The following UST variants were observed in gnomAD, a reference collection of about 807,000 sequenced individuals.
The protein encoded by UST is uronyl 2-sulfotransferase, also known as chondroitin sulfate 2-O-sulfotransferase.
UST carries 21 observed loss-of-function variants against 45.6 expected under a neutral mutation model. The observed-to-expected ratio is 0.46, with a 90% confidence interval of 0.33 to 0.66. UST has a LOEUF of 0.66. Ranked by LOEUF, UST falls within the 30% of genes least tolerant of loss-of-function variation. The pLI, the probability that UST is intolerant of heterozygous loss-of-function variation, is 0.02. For missense variants in UST, 463 were observed against 512.4 expected, an observed-to-expected ratio of 0.90 and a Z score of 0.93; for synonymous variants, 215 against 200.6, an observed-to-expected ratio of 1.07 and a Z score of -0.61.
chr6:149,049,523 G>A (rs1438878546), intron 7 of UST, among the ~76,000 whole-genome samples: 1 of 152,150 alleles, frequency 6.6e-6, no homozygotes, highest in African/African-American at 2.4e-5. Context: ...CCAACTGTTA[G>A]ATAGTAAGCA....
At chr6:148,961,772 A>G (rs1480252842) in intron 4 of UST, among the ~76,000 whole-genome samples, 1 of 152,236 alleles carries the variant, frequency 6.6e-6, no homozygotes, top group African/African-American at 2.4e-5. Flanking sequence ...AAATGAAATC[A>G]TGAGTGAGCA....
At chr6:149,052,171 T>C (rs1274036481) in intron 7 of UST, among the ~76,000 whole-genome samples, 1 of 152,240 alleles carries the variant, frequency 6.6e-6, no homozygotes, top group Non-Finnish European at 1.5e-5. Context: ...ATGTCTGTAA[T>C]TTCATAAAGT....
At chr6:148,861,917 A>G (rs764785269) in intron 1 of UST, among the ~76,000 whole-genome samples, 44 of 147,800 alleles carry the variant, frequency 3.0e-4, no homozygotes, top group Middle Eastern at 6.8e-3. Flanking sequence ...TTTACTTCCA[A>G]CTATGTGGTC....
chr6:148,756,499 G>C (rs1434516155), intron 1 of UST, among the ~76,000 whole-genome samples: 1 of 152,192 alleles, frequency 6.6e-6, no homozygotes, highest in Non-Finnish European at 1.5e-5. Flanking sequence ...CTCTTGGTCT[G>C]TCTCAGGGTT....
intron 7 of UST, among the ~76,000 whole-genome samples, chr6:149,058,973 C>T (rs1216813140): frequency 6.6e-6 from 1 of 152,220 alleles, no homozygotes; most frequent in Admixed American, 6.5e-5. Flanking sequence ...TACCGTAGCA[C>T]ATACTTTCAA....
At chr6:148,831,793 T>TA (rs565302945) in intron 1 of UST, among the ~76,000 whole-genome samples, 18 of 151,668 alleles carry the variant, frequency 1.2e-4, no homozygotes, top group South Asian at 2.1e-4. Context: ...CCCTATCTCT[T>TA]AAAAAAAATA....
intron 5 of UST, among the ~76,000 whole-genome samples, chr6:148,980,632 G>A (rs1781113759): frequency 1.3e-5 from 2 of 152,156 alleles, no homozygotes; most frequent in African/African-American, 4.8e-5. Context: ...ATCCAACCAA[G>A]CTTCTGACAT....
chr6:149,010,195 TATG>T (rs1476056347), intron 5 of UST, among the ~76,000 whole-genome samples: 1 of 152,228 alleles, frequency 6.6e-6, no homozygotes, highest in Non-Finnish European at 1.5e-5. Context: ...GGAATGTAAC[TATG>T]ATAAATATTT....
intron 1 of UST, among the ~76,000 whole-genome samples, chr6:148,777,651 T>C (rs938867468): frequency 2.0e-5 from 3 of 152,176 alleles, no homozygotes; most frequent in African/African-American, 7.2e-5. Flanking sequence ...TTCCAGTGAC[T>C]CTCCTGCCTC....
At chr6:149,061,655 G>A (rs377396125) in intron 7 of UST, among the ~76,000 whole-genome samples, 15 of 151,872 alleles carry the variant, frequency 9.9e-5, no homozygotes, top group Admixed American at 2.6e-4. Context: ...GCCTGGTGCC[G>A]GGCAGAGATG....
At chr6:148,800,232 G>A (rs1156430617) in intron 1 of UST, among the ~76,000 whole-genome samples, 1 of 152,188 alleles carries the variant, frequency 6.6e-6, no homozygotes, top group Admixed American at 6.5e-5. Context: ...CTGTAAGTCT[G>A]GTTCAGAAGC....
intron 1 of UST, among the ~76,000 whole-genome samples, chr6:148,866,152 A>G (rs1159371581): frequency 2.1e-5 from 2 of 96,032 alleles, no homozygotes; most frequent in Non-Finnish European, 4.2e-5. Flanking sequence ...ATTTAGTGAT[A>G]ACTAAATATA....
chr6:149,051,621 G>C (rs542974592), intron 7 of UST, among the ~76,000 whole-genome samples: 1 of 152,330 alleles, frequency 6.6e-6, no homozygotes, highest in African/African-American at 2.4e-5. Flanking sequence ...AGGAAATTGA[G>C]CAGAGGATTG....
At chr6:148,974,073 AAGG>A (rs1486737519) in intron 5 of UST, among the ~76,000 whole-genome samples, 1 of 152,184 alleles carries the variant, frequency 6.6e-6, no homozygotes, top group African/African-American at 2.4e-5. Flanking sequence ...TTTTGACTAT[AAGG>A]AGGATGGAAA....
intron 1 of UST, among the ~76,000 whole-genome samples, chr6:148,871,200 G>A (rs990155345): frequency 4.2e-5 from 6 of 142,424 alleles, no homozygotes; most frequent in African/African-American, 1.6e-4. Context: ...CTCTCTTTCT[G>A]TCATGTGAGG....
At chr6:148,908,886 TGAG>T (rs1329648681) in intron 2 of UST, among the ~76,000 whole-genome samples, 2 of 152,232 alleles carry the variant, frequency 1.3e-5, no homozygotes, top group Non-Finnish European at 2.9e-5. Flanking sequence ...ATTGGAGGTC[TGAG>T]AACTTAAATT....
At chr6:148,788,834 A>C (rs1382930117) in intron 1 of UST, among the ~76,000 whole-genome samples, 1 of 152,234 alleles carries the variant, frequency 6.6e-6, no homozygotes, top group Non-Finnish European at 1.5e-5. Context: ...ATTTTTACTT[A>C]AGGGCTCAGC....
At chr6:148,846,443 G>A (rs1777992018) in intron 1 of UST, among the ~76,000 whole-genome samples, 1 of 151,656 alleles carries the variant, frequency 6.6e-6, no homozygotes, top group Non-Finnish European at 1.5e-5. Context: ...TCTGGGGACT[G>A]TTGTGGGTTG....
intron 3 of UST, among the ~76,000 whole-genome samples, chr6:148,947,922 GAA>G (rs11341439): frequency 1.5e-4 from 22 of 146,524 alleles, no homozygotes; most frequent in Admixed American, 2.0e-4. Flanking sequence ...AAACTTGGTG[GAA>G]AAAAAAAAAA....
Sources: gnomAD v4.1 joint callset for allele counts (sites outside exome capture counted in the v4.1 genomes callset) on GRCh38, gnomAD v4.1.1 for gene constraint, MANE v1.5 for transcripts, NCBI Gene and HGNC (gene_info 2026-07-23, HGNC 2026-07-21) for gene names.